The following NRXN1 variants were observed in gnomAD, a reference collection of about 807,000 sequenced individuals.
NRXN1 encodes the protein neurexin-1.
NRXN1 carries 39 observed loss-of-function variants against 150.9 expected under a neutral mutation model. The ratio of observed to expected loss-of-function variants is 0.26; its 90% CI spans 0.20 to 0.34. The LOEUF (loss-of-function observed/expected upper bound fraction) is 0.34, where lower values mean the gene tolerates loss of function less well. NRXN1 is among the 10% of genes least tolerant of loss of function. The probability of loss-of-function intolerance (pLI) is 1.00; values close to 1 mark genes in which losing one functional copy is unlikely to be tolerated. For synonymous variants in NRXN1, 924 were observed against 757.0 expected (o/e 1.22, Z -3.62); for missense variants, 1,815 against 1,949.9 (o/e 0.93, Z 1.30).
chr2:50,868,549 T>C (rs1028801622), intron 5 of NRXN1, among the ~76,000 whole-genome samples: 4 of 151,630 alleles, frequency 2.6e-5, no homozygotes, highest in Non-Finnish European at 5.9e-5. Context: ...GTTCCTTAAA[T>C]TGATACAAAT....
intron 17 of NRXN1, among the ~76,000 whole-genome samples, chr2:50,380,954 C>T (rs2103662674): frequency 6.6e-6 from 1 of 152,224 alleles, no homozygotes; most frequent in African/African-American, 2.4e-5. Context: ...TCATGTGGGC[C>T]ACTACCAGAT....
chr2:50,235,141 T>C (rs1412274298), intron 18 of NRXN1, among the ~76,000 whole-genome samples: 1 of 152,074 alleles, frequency 6.6e-6, no homozygotes, highest in Non-Finnish European at 1.5e-5. Flanking sequence ...GAAAAGGCCC[T>C]TGTTTTCATT....
At chr2:50,169,153 T>A (rs2059864393) in intron 18 of NRXN1, among the ~76,000 whole-genome samples, 2 of 152,180 alleles carry the variant, frequency 1.3e-5, no homozygotes, top group Admixed American at 1.3e-4. Context: ...ATTATTTTCA[T>A]TTCACAAATT....
intron 18 of NRXN1, among the ~76,000 whole-genome samples, chr2:50,165,368 A>G (rs1559010379): frequency 6.6e-6 from 1 of 151,946 alleles, no homozygotes; most frequent in Non-Finnish European, 1.5e-5. Context: ...CTTTTTCTTT[A>G]GACACAGTCT....
intron 2 of NRXN1, among the ~76,000 whole-genome samples, chr2:51,015,775 A>C (rs1442852226): frequency 6.6e-6 from 1 of 152,118 alleles, no homozygotes; most frequent in African/African-American, 2.4e-5. Context: ...GAGGAAAAGA[A>C]AATGAATGTC....
intron 2 of NRXN1, among the ~76,000 whole-genome samples, chr2:50,971,642 A>T (rs1484961395): frequency 6.6e-6 from 1 of 151,946 alleles, no homozygotes; most frequent in Non-Finnish European, 1.5e-5. Flanking sequence ...ATATTTCAGG[A>T]AATACTTAAG....
intron 19 of NRXN1, among the ~76,000 whole-genome samples, chr2:50,067,146 G>C (rs140983569): frequency 7.6e-4 from 116 of 152,258 alleles, no homozygotes; most frequent in African/African-American, 2.8e-3. Context: ...CTGTGATGTT[G>C]GGCGTAGAAG....
chr2:50,478,094 C>T (rs879520208), intron 15 of NRXN1, among the ~76,000 whole-genome samples: 5 of 152,078 alleles, frequency 3.3e-5, no homozygotes, highest in Non-Finnish European at 5.9e-5. Flanking sequence ...GTAGGTCAGA[C>T]CTTATCTAGA....
chr2:50,698,783 G>A (rs17040953), intron 5 of NRXN1, among the ~76,000 whole-genome samples: 4,277 of 152,204 alleles, frequency 0.028, 275 homozygotes, highest in East Asian at 0.16. Context: ...TGCCCTCAAA[G>A]AAGGTTTTCT....
intron 18 of NRXN1, among the ~76,000 whole-genome samples, chr2:50,135,312 G>A (rs572265035): frequency 6.6e-6 from 1 of 152,308 alleles, no homozygotes; most frequent in East Asian, 1.9e-4. Flanking sequence ...AGGTGGAGGA[G>A]AATAGACGAA....
At chr2:50,083,795 T>C (rs955384042) in intron 19 of NRXN1, among the ~76,000 whole-genome samples, 5 of 151,898 alleles carry the variant, frequency 3.3e-5, no homozygotes. Flanking sequence ...ACCTCCCCAC[T>C]AGATAAGCTA....
intron 5 of NRXN1, among the ~76,000 whole-genome samples, chr2:50,840,576 T>C (rs896416743): frequency 1.3e-5 from 2 of 152,248 alleles, no homozygotes; most frequent in South Asian, 4.1e-4. Context: ...GTACTTACTA[T>C]GCCCCTCAAC....
intron 21 of NRXN1, among the ~76,000 whole-genome samples, chr2:49,962,789 C>T (rs1676214112): frequency 6.6e-6 from 1 of 151,920 alleles, no homozygotes; most frequent in African/African-American, 2.4e-5. Flanking sequence ...CTCGTCTTTA[C>T]TAAAAATACA....
At chr2:50,598,750 T>A (rs938505106) in intron 8 of NRXN1, among the ~76,000 whole-genome samples, 32 of 147,462 alleles carry the variant, frequency 2.2e-4, no homozygotes, top group Admixed American at 6.2e-4. Flanking sequence ...ATATATATAT[T>A]TTATTTTTGT....
Position 50,623,335 on chromosome 2 carries a change from T to C in NRXN1, c.1113A>G (p.Lys371=), listed in dbSNP as rs1680390050. ...KFNDNAWHDV[K]VTRNLRQHSG... is the part of the protein sequence containing the mutation. ...TTACCTGACGCAGATTCCTGGTGACTTTCACATCATGCCAGGCATTATCAT... is the reference window on the plus strand; with the variant it reads ...TTACCTGACGCAGATTCCTGGTGACCTTCACATCATGCCAGGCATTATCAT... The change falls in exon 6 of 23, where the codon AAA becomes AAG. Residue 371 remains lysine, a synonymous_variant. Transcript: ENST00000401669. 6.8e-6 allele frequency: 11 copies of C among 1,612,850 alleles called. No homozygotes were observed. In the Middle Eastern group the frequency reaches 5.0e-4, roughly 73 times the overall value.
chr2:50,335,914 A>G (rs1473339398), intron 17 of NRXN1, among the ~76,000 whole-genome samples: 1 of 151,782 alleles, frequency 6.6e-6, no homozygotes, highest in East Asian at 1.9e-4. Context: ...TCCAGAGCAG[A>G]AAAGACCCAC....
intron 5 of NRXN1, among the ~76,000 whole-genome samples, chr2:50,886,722 G>C (rs1459028032): frequency 1.3e-5 from 2 of 151,370 alleles, no homozygotes; most frequent in Non-Finnish European, 3.0e-5. Context: ...TGACTGAACA[G>C]TCATGAGATT....
At chr2:50,631,078 T>G in intron 5 of NRXN1, 1 of 450,690 alleles carries the variant, frequency 2.2e-6, no homozygotes, top group Non-Finnish European at 4.5e-6. Flanking sequence ...AATAAATTGA[T>G]TATTACAAGT....
chr2:50,278,067 CTTTTTT>C (rs548030464), intron 17 of NRXN1, among the ~76,000 whole-genome samples: 6 of 75,748 alleles, frequency 7.9e-5, no homozygotes, highest in Non-Finnish European at 2.4e-5. Flanking sequence ...TTCTCTCTCT[CTTTTTT>C]TTTTTTTTTT....
Sources: allele counts gnomAD v4.1 joint callset (sites outside exome capture counted in the v4.1 genomes callset), GRCh38; gene constraint gnomAD v4.1.1; transcripts MANE v1.5; gene names NCBI Gene and HGNC (gene_info 2026-07-23, HGNC 2026-07-21).